Variants in RXRG observed in about 807,000 individuals in gnomAD.
RXRG encodes retinoic acid receptor RXR-gamma.
Under a neutral mutation model 49.2 loss-of-function variants are expected in RXRG, and 19 were observed. The ratio of observed to expected loss-of-function variants is 0.39; its 90% confidence interval spans 0.27 to 0.57. RXRG has a LOEUF of 0.57. RXRG is among the 20% of genes least tolerant of loss of function. The probability of loss-of-function intolerance (pLI) is 0.64; values close to 1 mark genes in which losing one functional copy is unlikely to be tolerated. For synonymous variants in RXRG, 224 were observed against 216.6 expected (o/e 1.03, Z -0.30); for missense variants, 452 against 592.5 (o/e 0.76, Z 2.46).
chr1:165,421,745 T>G (rs532186807), intron 2 of RXRG, among the ~76,000 whole-genome samples: 2 of 152,270 alleles, frequency 1.3e-5, no homozygotes, highest in Admixed American at 6.5e-5. Context: ...TTGGTCAGAC[T>G]GGTCTCGAAC....
intron 2 of RXRG, among the ~76,000 whole-genome samples, chr1:165,422,598 T>A (rs180946165): frequency 6.6e-6 from 1 of 152,198 alleles, no homozygotes; most frequent in Non-Finnish European, 1.5e-5. Flanking sequence ...GGAGCAAACA[T>A]GTCCAGTGGA....
At position 165,410,964 on chromosome 1, in the gene RXRG, C is replaced by A. The variant is rs1571268101; in HGVS notation, c.768G>T (p.Met256Ile). Residue 256 changes from methionine to isoleucine, a missense_variant, in exon 5 of 10, where the codon ATG becomes ATT. Physicochemically the swap from Met to Ile is conservative, Grantham distance 10 (BLOSUM62 1). Transcript: ENST00000359842. ...VEPKTESYGDMNMENSTNDPV... is the reference protein window; with the variant it reads ...VEPKTESYGDINMENSTNDPV... ...GAGCACATACCGAGTTCTCCATATT[C>A]ATGTCACCATAGGATTCTGTCTTTG... 1 of 1,614,144 alleles carries A rather than the reference C, an allele frequency of 6.2e-7. No individual in the cohort carries two copies. The highest frequency in any genetic ancestry group is 2.2e-5 in the East Asian group (1 of 44,878).
chr1:165,437,957 A>G (rs895131980), intron 1 of RXRG, among the ~76,000 whole-genome samples: 2 of 152,198 alleles, frequency 1.3e-5, no homozygotes, highest in African/African-American at 4.8e-5. Context: ...GACTAGACTC[A>G]AATTCTAGAT....
At chr1:165,406,460 G>A (rs369290374) in intron 9 of RXRG, among the ~76,000 whole-genome samples, 1 of 152,234 alleles carries the variant, frequency 6.6e-6, no homozygotes, top group African/African-American at 2.4e-5. Context: ...CCGCGTGCTA[G>A]CATTATGGTC....
intron 9 of RXRG, 96 bp from the exon 10 acceptor site, chr1:165,401,506 C>T (rs1480693828): frequency 1.2e-5 from 17 of 1,400,942 alleles, no homozygotes; most frequent in Non-Finnish European, 1.7e-5. Context: ...CTTCTCGACC[C>T]ATCTGTGATA....
At chr1:165,402,434 A>C (rs1657609005) in intron 9 of RXRG, among the ~76,000 whole-genome samples, 1 of 103,042 alleles carries the variant, frequency 9.7e-6, no homozygotes, top group Non-Finnish European at 1.8e-5. Context: ...GCTTACCCTT[A>C]AATTAGGAAA....
chr1:165,403,654 A>G (rs2101700486), intron 9 of RXRG, among the ~76,000 whole-genome samples: 1 of 152,352 alleles, frequency 6.6e-6, no homozygotes, highest in South Asian at 2.1e-4. Flanking sequence ...GAGAATAAGG[A>G]GGCTGAACTC....
chr1:165,417,315 G>T, intron 3 of RXRG, 95 bp from the exon 4 acceptor site: 1 of 1,197,954 alleles, frequency 8.3e-7, no homozygotes, highest in Non-Finnish European at 1.2e-6. Context: ...CAGAGAAACA[G>T]GCATATCACT....
At chr1:165,432,350 A>C (rs1658696616) in intron 1 of RXRG, among the ~76,000 whole-genome samples, 1 of 152,252 alleles carries the variant, frequency 6.6e-6, no homozygotes, top group African/African-American at 2.4e-5. Context: ...ATTTTAAAAA[A>C]TAAAATAGAA....
chr1:165,406,661 G>A, intron 9 of RXRG, 151 bp downstream of exon 9: 2 of 634,658 alleles, frequency 3.2e-6, no homozygotes, highest in South Asian at 3.8e-5. Flanking sequence ...CTAGCCCAAT[G>A]GAATTAACAT....
intron 1 of RXRG, among the ~76,000 whole-genome samples, chr1:165,442,210 C>T (rs1659030274): frequency 6.6e-6 from 1 of 152,218 alleles, no homozygotes; most frequent in African/African-American, 2.4e-5. Context: ...TCCTGCTTTC[C>T]CCTGTGCCTG....
At chr1:165,428,510 G>C (rs963943505) in intron 2 of RXRG, among the ~76,000 whole-genome samples, 3 of 152,188 alleles carry the variant, frequency 2.0e-5, no homozygotes, top group African/African-American at 7.2e-5. Context: ...ACAGTCTCCT[G>C]GACCATGAGG....
intron 1 of RXRG, among the ~76,000 whole-genome samples, chr1:165,444,464 G>A (rs1424740304): frequency 6.6e-6 from 1 of 152,106 alleles, no homozygotes; most frequent in Non-Finnish European, 1.5e-5. Flanking sequence ...TTACAAGTTG[G>A]CTAATAGGAA....
At chr1:165,406,542 T>C (rs1295022640) in intron 9 of RXRG, among the ~76,000 whole-genome samples, 1 of 152,252 alleles carries the variant, frequency 6.6e-6, no homozygotes, top group Non-Finnish European at 1.5e-5. Context: ...CCCACATTTA[T>C]TCATTTGTTT....
chr1:165,405,001 C>T (rs893463501), intron 9 of RXRG, among the ~76,000 whole-genome samples: 2 of 152,168 alleles, frequency 1.3e-5, no homozygotes, highest in Admixed American at 6.5e-5. Context: ...TCAGGTGATC[C>T]GCCAGCCTCA....
chr1:165,406,557 T>A lies in RXRG; in HGVS notation c.1244+255A>T, dbSNP rs551073350. Among the ~76,000 whole-genome samples the A allele has an allele frequency of 4.6e-5, 7 of 152,358 alleles. No homozygotes were observed. In the East Asian group the frequency reaches 1.3e-3, roughly 29 times the overall value. On this transcript the variant is annotated intron_variant, in intron 9 of 9. Coordinates refer to ENST00000359842, the MANE Select transcript of RXRG (RefSeq NM_006917.5). ...CCCACATTTATTCATTTGTTTGCTA[T>A]TCATCCTCCATTTAAAGATGTGTAC...
chr1:165,436,214 C>A (rs1658813281), intron 1 of RXRG, among the ~76,000 whole-genome samples: 1 of 152,140 alleles, frequency 6.6e-6, no homozygotes, highest in Non-Finnish European at 1.5e-5. Context: ...TATGGCTTGC[C>A]CATGACCTGT....
rs2101710589 is a variant in RXRG at position 165,410,705 on chromosome 1, C to T, written c.910G>A (p.Ala304Thr). 6.2e-7 allele frequency: 1 copy of T among 1,613,834 alleles called. No homozygotes were observed. The highest frequency in any genetic ancestry group is 8.5e-7 in the Non-Finnish European group (1 of 1,179,960). Residue 304 changes from alanine to threonine, a missense_variant, in exon 6 of 10, where the codon GCA becomes ACA. By Grantham distance (58) the Ala-to-Thr change is moderately conservative (BLOSUM62 0). This residue lies in a region of RXRG where 286 missense variants were observed against 440.9 expected (regional missense o/e 0.65). Transcript: ENST00000359842. ...TLEDQVILLR[A>T]GWNELLIASF... The stretch of plus-strand genomic sequence containing the variant: ...AAAGGCAGCCAATGTGCTTTACCTG[C>T]CCGAAGCAAAATGACCTGGTCCTCC...
intron 1 of RXRG, among the ~76,000 whole-genome samples, chr1:165,438,949 G>A (rs1658898885): frequency 6.6e-6 from 1 of 152,098 alleles, no homozygotes; most frequent in African/African-American, 2.4e-5. Context: ...AGCATAGAAG[G>A]AGCACATTGG....
Sources: allele counts gnomAD v4.1 joint callset (sites outside exome capture counted in the v4.1 genomes callset), GRCh38; gene constraint gnomAD v4.1.1; regional missense constraint gnomAD v4.1.1; transcripts MANE v1.5; gene names NCBI Gene and HGNC (gene_info 2026-07-23, HGNC 2026-07-21).